Variants in NWD1 observed in about 807,000 individuals in gnomAD.
The protein encoded by NWD1 is NACHT and WD repeat domain containing 1, also known as NACHT domain- and WD repeat-containing protein 1.
Under a neutral mutation model 135.1 loss-of-function variants are expected in NWD1, and 129 were observed. That is an observed-to-expected ratio of 0.96 (90% CI 0.83 to 1.11). NWD1 has a LOEUF of 1.11. NWD1 is among the 50% of genes least tolerant of loss of function. The pLI is 0.00. For synonymous variants in NWD1, 773 were observed against 786.0 expected (o/e 0.98, Z 0.28); for missense variants, 1,740 against 1,851.3 (o/e 0.94, Z 1.10).
At chr19:16,738,566 CAAAAA>C (rs770498066) in intron 4 of NWD1, among the ~76,000 whole-genome samples, 3 of 91,522 alleles carry the variant, frequency 3.3e-5, no homozygotes. Context: ...GAGACTCTGT[CAAAAA>C]AAAAAAAAAA....
chr19:16,789,091 C>A lies in NWD1; in HGVS notation c.2841C>A (p.Thr947=). 6.2e-7 allele frequency: 1 copy of A among 1,613,792 alleles called. No individual in the cohort carries two copies. Among genetic ancestry groups the A allele is most frequent in the Middle Eastern group, 1.7e-4 (1 of 5,986 alleles). The change falls in exon 13 of 19, where the codon ACC becomes ACA. Residue 947 remains threonine (T), a synonymous_variant. Coordinates refer to ENST00000524140, the MANE Select transcript of NWD1 (RefSeq NM_001007525.5). ...WNLLSGQEKF[T]IWDGGSKNPA... The stretch of plus-strand genomic sequence containing the variant: ...TACTCTCTGGCCAGGAGAAATTTAC[C>A]ATTTGGGATGGAGGCTCAAAAAATC...
intron 12 of NWD1, among the ~76,000 whole-genome samples, chr19:16,781,108 G>C (rs1216579697): frequency 6.6e-6 from 1 of 152,140 alleles, no homozygotes; most frequent in Non-Finnish European, 1.5e-5. Flanking sequence ...TAACAGATAT[G>C]GCTTATTTCT....
At chr19:16,743,209 C>A (rs947188428) in intron 4 of NWD1, among the ~76,000 whole-genome samples, 7 of 150,234 alleles carry the variant, frequency 4.7e-5, no homozygotes, top group African/African-American at 1.5e-4. Context: ...CCTTGCCTGG[C>A]CCCATTATTT....
chr19:16,799,557 C>T (rs941748125), intron 16 of NWD1, among the ~76,000 whole-genome samples: 3 of 151,576 alleles, frequency 2.0e-5, no homozygotes, highest in African/African-American at 4.9e-5. Context: ...CCCAGGCTTG[C>T]GTGCAATGGC....
At chr19:16,748,865 A>G (rs1216887053) in intron 5 of NWD1, among the ~76,000 whole-genome samples, 1 of 151,988 alleles carries the variant, frequency 6.6e-6, no homozygotes, top group Non-Finnish European at 1.5e-5. Context: ...GTAATGGCTT[A>G]ACTAGTGTAA....
At chr19:16,727,622 C>T (rs1967381819) in intron 2 of NWD1, 1 of 152,786 alleles carries the variant, frequency 6.5e-6, no homozygotes, top group South Asian at 2.1e-4. Flanking sequence ...CGGCCCCCTC[C>T]CAGCACCTCC....
At chr19:16,773,014 G>A in intron 10 of NWD1, 112 bp from the exon 11 acceptor site, 2 of 845,084 alleles carry the variant, frequency 2.4e-6, no homozygotes, top group South Asian at 1.5e-5. Flanking sequence ...CAGTAGCTGA[G>A]GTATTGTGTC....
At chr19:16,738,860 C>CATTATATATTATATATAATACATTATA (rs1568340262) in intron 4 of NWD1, among the ~76,000 whole-genome samples, 5 of 130,160 alleles carry the variant, frequency 3.8e-5, no homozygotes, top group African/African-American at 1.2e-4. Flanking sequence ...AATACATTAT[C>CATTATATATTATATATAATACATTATA]TATAATATAT....
At chr19:16,792,129 G>A (rs1290285230) in intron 14 of NWD1, among the ~76,000 whole-genome samples, 2 of 152,182 alleles carry the variant, frequency 1.3e-5, no homozygotes, top group African/African-American at 4.8e-5. Context: ...AGTCCTTCAG[G>A]GGATCTCTAA....
At chr19:16,755,361 G>T (rs1392549638) in intron 6 of NWD1, among the ~76,000 whole-genome samples, 2 of 151,952 alleles carry the variant, frequency 1.3e-5, no homozygotes, top group African/African-American at 2.4e-5. Flanking sequence ...GAGACTACAG[G>T]TGCATGCCAC....
chr19:16,722,902 A>C (rs933148931), intron 1 of NWD1, among the ~76,000 whole-genome samples: 3 of 151,982 alleles, frequency 2.0e-5, no homozygotes, highest in Non-Finnish European at 4.4e-5. Context: ...GGCTCAGGAG[A>C]GCTTTCCTAG....
At chr19:16,749,014 T>C in intron 5 of NWD1, 125 bp from the exon 6 acceptor site, 2 of 705,240 alleles carry the variant, frequency 2.8e-6, no homozygotes, top group African/African-American at 1.8e-5. Flanking sequence ...GGTCAGACTC[T>C]GGTGCACGTT....
intron 11 of NWD1, among the ~76,000 whole-genome samples, chr19:16,777,049 G>T (rs1030917668): frequency 3.8e-5 from 3 of 79,994 alleles, no homozygotes; most frequent in Non-Finnish European, 7.5e-5. Flanking sequence ...GGAACTGGAG[G>T]GAAGAGGGAA....
At chr19:16,729,205 TGTGTGTCA>T (rs1251721064) in intron 2 of NWD1, among the ~76,000 whole-genome samples, 1 of 152,070 alleles carries the variant, frequency 6.6e-6, no homozygotes, top group Non-Finnish European at 1.5e-5. Flanking sequence ...ACCAATGTAC[TGTGTGTCA>T]GGCTTAAAAA....
rs534080341 is a variant in NWD1 at position 16,773,285 on chromosome 19, G to C, written c.2570G>C (p.Gly857Ala). 6.2e-7 allele frequency: 1 copy of C among 1,613,240 alleles called. No homozygotes were observed. The highest frequency in any genetic ancestry group is 8.5e-7 in the Non-Finnish European group (1 of 1,179,976). Residue 857 changes from glycine to alanine, a missense_variant, in exon 11 of 19, where the codon GGA becomes GCA. Transcript: ENST00000524140. Reference protein sequence around the residue: ...VPLGGFLQPPGGPLRATLSGC... With the variant: ...VPLGGFLQPPAGPLRATLSGC... The stretch of plus-strand genomic sequence containing the variant: ...CTCGGAGGATTCCTCCAGCCCCCGG[G>C]AGGACCCCTCCGGGCAACTCTCAGC...
At chr19:16,783,480 C>A (rs1969931252) in intron 12 of NWD1, among the ~76,000 whole-genome samples, 1 of 151,730 alleles carries the variant, frequency 6.6e-6, no homozygotes, top group Non-Finnish European at 1.5e-5. Flanking sequence ...ACTAAAAATA[C>A]AAAATTAGCC....
At chr19:16,798,648 C>T (rs1250653631) in intron 16 of NWD1, among the ~76,000 whole-genome samples, 2 of 151,980 alleles carry the variant, frequency 1.3e-5, no homozygotes, top group African/African-American at 4.8e-5. Flanking sequence ...TTTTTGAGAC[C>T]AAGTCTCACT....
rs199821486 is a variant in NWD1, at chr19:16,791,381, C to T, written c.2972C>T (p.Pro991Leu). ...GCTTGGAATCTGGAAACTGCAGAGC[C>T]GGTATTCCATATCCTGGGAGATGCC... ...INAWNLETAE[P>L]VFHILGDASD... Residue 991 changes from proline to leucine, a missense_variant, in exon 14 of 19, where the codon CCG becomes CTG. Physicochemically the swap from Pro to Leu is moderately conservative, Grantham distance 98. Transcript: ENST00000524140. 84 of 1,613,910 alleles carry T rather than the reference C, an allele frequency of 5.2e-5. No individual in the cohort carries two copies. Among genetic ancestry groups the T allele is most frequent in the Middle Eastern group, 5.0e-4 (3 of 6,056 alleles).
chr19:16,809,836 C>T (rs557501486), intron 18 of NWD1, among the ~76,000 whole-genome samples: 19 of 152,134 alleles, frequency 1.2e-4, no homozygotes, highest in Admixed American at 2.6e-4. Flanking sequence ...GGATTACAGT[C>T]ATGAGCCACC....
Sources: gnomAD v4.1 joint callset for allele counts (sites outside exome capture counted in the v4.1 genomes callset) on GRCh38, gnomAD v4.1.1 for gene constraint, MANE v1.5 for transcripts, NCBI Gene and HGNC (gene_info 2026-07-23, HGNC 2026-07-21) for gene names.